PTPN6: variants seen among roughly 807,000 people sequenced by gnomAD.
PTPN6 encodes protein tyrosine phosphatase non-receptor type 6, also known as tyrosine-protein phosphatase non-receptor type 6.
A neutral mutation model predicts 81.5 loss-of-function variants in PTPN6; 18 were observed. That is an observed-to-expected ratio of 0.22 (90% confidence interval 0.15 to 0.33). The LOEUF (loss-of-function observed/expected upper bound fraction) is 0.33, where lower values mean the gene tolerates loss of function less well. PTPN6 is among the 10% of genes least tolerant of loss of function. The pLI is 1.00. For synonymous variants in PTPN6, 301 were observed against 310.9 expected (o/e 0.97, Z 0.33); for missense variants, 500 against 794.2 (o/e 0.63, Z 4.45).
At position 6,960,945 on chromosome 12, in the gene PTPN6, G is replaced by A; in HGVS notation, c.*25G>A. 6.4e-7 allele frequency: 1 copy of A among 1,556,040 alleles called. No homozygotes were observed. Among genetic ancestry groups the A allele is most frequent in the Non-Finnish European group, 8.7e-7 (1 of 1,149,808 alleles). ...AGCGGTGCTGTCCTCAGGTGGCCAT[G>A]GTACAGCTCTTCTGCCTGGGTGTCC... On this transcript the variant is annotated splice_region_variant and 3_prime_UTR_variant, in exon 15 of 16. Coordinates refer to ENST00000318974, the MANE Select transcript of PTPN6 (RefSeq NM_002831.6). The surrounding 1 kb of genome is among the most constrained non-coding windows in gnomAD (Gnocchi z 6.1).
Position 6,951,469 on chromosome 12 carries a change from C to G in PTPN6, c.-44C>G. On this transcript the variant is annotated 5_prime_UTR_variant, in exon 1 of 16. Transcript: ENST00000318974. This position sits in a 1 kb window ranked among gnomAD's most constrained non-coding sequence, Gnocchi z 7.2. ...TCTCTGCCTGCCCAGACTAGCTGCA[C>G]CTCCTCATTCCCTGCGCCCCCTTCC... 3 of 1,613,350 alleles carry G rather than the reference C, an allele frequency of 1.9e-6. No individual in the cohort carries two copies. Among genetic ancestry groups the G allele is most frequent in the Non-Finnish European group, 2.5e-6 (3 of 1,179,698 alleles).
Position 6,960,564 on chromosome 12 carries a change from C to T in PTPN6, c.1673+129C>T, listed in dbSNP as rs145848587. The T allele has an allele frequency of 1.2e-4, 164 of 1,424,024 alleles. 1 individual carries two copies. The African/African-American group carries it at 2.0e-3, about 17-fold the overall frequency. 88.2% of individuals were successfully genotyped at this position (1,424,024 alleles called of 1,614,324 possible). A position where few individuals can be genotyped will look rare whatever the true frequency, so the allele number is the denominator to read the frequency against. Reference sequence around the variant, plus strand: ...CTTCAAGTTCAGGCTTGGTTCTCACCCCTTCTGTTCATAAGCATTTCCTGA... The same window carrying T: ...CTTCAAGTTCAGGCTTGGTTCTCACTCCTTCTGTTCATAAGCATTTCCTGA... On this transcript the variant is annotated intron_variant, in intron 14 of 15. Transcript: ENST00000318974. This position sits in a 1 kb window ranked among gnomAD's most constrained non-coding sequence, Gnocchi z 6.1.
Position 6,955,777 on chromosome 12 carries a change from A to C in PTPN6, c.844+21A>C. On this transcript the variant is annotated intron_variant, in intron 7 of 15. Coordinates refer to ENST00000318974, the MANE Select transcript of PTPN6 (RefSeq NM_002831.6). This position sits in a 1 kb window ranked among gnomAD's most constrained non-coding sequence, Gnocchi z 7.2. ...CCCCTGTGAGCACCCAGGCTGCCCC[A>C]TTCACCCAGGATACCGCCCCTGCCC... 1.2e-6 allele frequency: 2 copies of C among 1,608,042 alleles called. No individual in the cohort carries two copies. Among genetic ancestry groups the C allele is most frequent in the Non-Finnish European group, 1.7e-6 (2 of 1,175,062 alleles).
upstream of PTPN6, chr12:6,946,863 T>C: frequency 8.9e-7 from 1 of 1,120,722 alleles, no homozygotes; most frequent in Non-Finnish European, 1.3e-6. Context: ...TGCGCCTGTT[T>C]CCGGTCCCTA....
Position 6,960,011 on chromosome 12 carries a change from G to T in PTPN6, c.1429+17G>T. On this transcript the variant is annotated intron_variant, in intron 12 of 15. Coordinates refer to ENST00000318974, the MANE Select transcript of PTPN6 (RefSeq NM_002831.6). The surrounding 1 kb of genome is among the most constrained non-coding windows in gnomAD (Gnocchi z 6.1). ...CCACCAAGGGTGAGGGGCACCTGGGGGTTTGGGGGTGGGGGGTGAGCAGCC... is the reference window on the plus strand; with the variant it reads ...CCACCAAGGGTGAGGGGCACCTGGGTGTTTGGGGGTGGGGGGTGAGCAGCC... 7 of 1,611,476 alleles carry T rather than the reference G, an allele frequency of 4.3e-6. No individual in the cohort carries two copies. Among genetic ancestry groups the T allele is most frequent in the African/African-American group, 1.3e-5 (1 of 74,918 alleles).
At position 6,957,185 on chromosome 12, in the gene PTPN6, G is replaced by A. The variant is rs1946046722; in HGVS notation, c.1075-469G>A. On this transcript the variant is annotated intron_variant, in intron 9 of 15. Coordinates refer to ENST00000318974, the MANE Select transcript of PTPN6 (RefSeq NM_002831.6). The surrounding 1 kb of genome is among the most constrained non-coding windows in gnomAD (Gnocchi z 6.5). Reference sequence around the variant, plus strand: ...CTCTCCACACTATCTCTGCCTGGCAGATGCCTCGTTTTTGAAGACACAGCC... The same window carrying A: ...CTCTCCACACTATCTCTGCCTGGCAAATGCCTCGTTTTTGAAGACACAGCC... Among the ~76,000 whole-genome samples, 1 of 152,220 alleles carries A rather than the reference G, an allele frequency of 6.6e-6. No homozygotes were observed. Among genetic ancestry groups the A allele is most frequent in the Non-Finnish European group, 1.5e-5 (1 of 68,044 alleles).
chr12:6,958,563 C>T (rs1946074809), intron 11 of PTPN6, among the ~76,000 whole-genome samples: 1 of 152,276 alleles, frequency 6.6e-6, no homozygotes, highest in Non-Finnish European at 1.5e-5. Context: ...CCCTCTCTCC[C>T]AGCTTCCCCA....
rs1026976100 is a variant in PTPN6 at position 6,954,285 on chromosome 12, G to A, written c.327-520G>A. 2.6e-5 allele frequency among the ~76,000 whole-genome samples: 4 copies of A among 152,074 alleles called. No homozygotes were observed. Among genetic ancestry groups the A allele is most frequent in the Non-Finnish European group, 1.5e-5 (1 of 68,038 alleles). On this transcript the variant is annotated intron_variant, in intron 3 of 15. Transcript: ENST00000318974. This position sits in a 1 kb window ranked among gnomAD's most constrained non-coding sequence, Gnocchi z 5.4. Reference sequence around the variant, plus strand: ...TCCATCTCCCACCACTCCCTGTGGTGTGGCCTCGGTCTGCGTTTCTCTTTG... The same window carrying A: ...TCCATCTCCCACCACTCCCTGTGGTATGGCCTCGGTCTGCGTTTCTCTTTG...
In PTPN6 at chr12:6,960,733, G is replaced by C; in HGVS notation, c.1674-73G>C. On this transcript the variant is annotated intron_variant, in intron 14 of 15. Transcript: ENST00000318974. The surrounding 1 kb of genome is among the most constrained non-coding windows in gnomAD (Gnocchi z 6.1). Reference sequence around the variant, plus strand: ...ACGGGGTGGCCAGAGGGGACTGCCAGTGCCGGGTCCCCCTGTGCTGTCTCC... The same window carrying C: ...ACGGGGTGGCCAGAGGGGACTGCCACTGCCGGGTCCCCCTGTGCTGTCTCC... 6.4e-7 allele frequency: 1 copy of C among 1,551,648 alleles called. No homozygotes were observed. The highest frequency in any genetic ancestry group is 1.2e-5 in the South Asian group (1 of 84,072).
At chr12:6,951,190 G>A (rs1379406588), upstream of PTPN6, 5 of 1,368,066 alleles carry the variant, frequency 3.7e-6, no homozygotes, top group Non-Finnish European at 4.8e-6. The surrounding 1 kb of genome is among the most constrained non-coding windows in gnomAD (Gnocchi z 7.2). Context: ...ATGCTCCTGA[G>A]CCTTTGATTG....
Position 6,960,665 on chromosome 12 carries a change from G to C in PTPN6, c.1674-141G>C, listed in dbSNP as rs1946122082. 6 of 1,550,834 alleles carry C rather than the reference G, an allele frequency of 3.9e-6. No individual in the cohort carries two copies. Among genetic ancestry groups the C allele is most frequent in the Non-Finnish European group, 5.2e-6 (6 of 1,146,378 alleles). On this transcript the variant is annotated intron_variant, in intron 14 of 15. Transcript: ENST00000318974. This position sits in a 1 kb window ranked among gnomAD's most constrained non-coding sequence, Gnocchi z 6.1. Reference sequence around the variant, plus strand: ...GAGATGTAGCCTCTGTCCTCTAGGAGCTTGGAGTCTAGTGCAGGGACCGTG... The same window carrying C: ...GAGATGTAGCCTCTGTCCTCTAGGACCTTGGAGTCTAGTGCAGGGACCGTG...
rs782437067 is a variant in PTPN6 at position 6,958,042 on chromosome 12, C to T, written c.1330C>T (p.Pro444Ser). The change falls in exon 11 of 16, where the codon CCT becomes TCT. Residue 444 changes from proline (P) to serine (S), a missense_variant. Pro to Ser is a moderately conservative substitution (Grantham distance 74, BLOSUM62 -1). Coordinates refer to ENST00000318974, the MANE Select transcript of PTPN6 (RefSeq NM_002831.6). ...GATCAACCAGCGGCAGGAAAGTCTG[C>T]CTCACGCAGGGCCCATCATCGTGCA... ...DQINQRQESLPHAGPIIVHCS... is the reference protein window; with the variant it reads ...DQINQRQESLSHAGPIIVHCS... The T allele has an allele frequency of 6.2e-7, 1 of 1,612,826 alleles. No individual in the cohort carries two copies. The highest frequency in any genetic ancestry group is 1.1e-5 in the South Asian group (1 of 91,086).
chr12:6,951,385 A>T lies in PTPN6; in HGVS notation c.-128A>T. 6.5e-7 allele frequency: 1 copy of T among 1,546,602 alleles called. No homozygotes were observed. Among genetic ancestry groups the T allele is most frequent in the Non-Finnish European group, 8.7e-7 (1 of 1,146,468 alleles). ...GAGTGGCAGCCCCAGAACTGGGACC[A>T]CCGGGGGTGGTGAGGCGGCCCGGCA... On this transcript the variant is annotated 5_prime_UTR_variant, in exon 1 of 16. Coordinates refer to ENST00000318974, the MANE Select transcript of PTPN6 (RefSeq NM_002831.6). The surrounding 1 kb of genome is among the most constrained non-coding windows in gnomAD (Gnocchi z 7.2).
In PTPN6 at chr12:6,960,738, G is replaced by A. The variant is rs781855949; in HGVS notation, c.1674-68G>A. 3.9e-5 allele frequency: 61 copies of A among 1,551,500 alleles called. 1 individual carries two copies. Among genetic ancestry groups the A allele is most frequent in the South Asian group, 8.3e-5 (7 of 84,068 alleles). ...GTGGCCAGAGGGGACTGCCAGTGCC[G>A]GGTCCCCCTGTGCTGTCTCCTGACC... On this transcript the variant is annotated intron_variant, in intron 14 of 15. Coordinates refer to ENST00000318974, the MANE Select transcript of PTPN6 (RefSeq NM_002831.6). This position sits in a 1 kb window ranked among gnomAD's most constrained non-coding sequence, Gnocchi z 6.1.
chr12:6,957,505 A>G lies in PTPN6; in HGVS notation c.1075-149A>G. On this transcript the variant is annotated intron_variant, in intron 9 of 15. Transcript: ENST00000318974. This position sits in a 1 kb window ranked among gnomAD's most constrained non-coding sequence, Gnocchi z 6.5. The stretch of plus-strand genomic sequence containing the variant: ...CTGTTGGTGGTTGATCTGAGACGAG[A>G]GCCCAGGTCTCCTGCCTCTCTGCCA... The G allele has an allele frequency of 9.5e-7, 1 of 1,053,492 alleles. No homozygotes were observed. The highest frequency in any genetic ancestry group is 1.4e-5 in the South Asian group (1 of 69,480). 65.3% of individuals were successfully genotyped at this position (1,053,492 alleles called of 1,614,324 possible). A position where few individuals can be genotyped will look rare whatever the true frequency, so the allele number is the denominator to read the frequency against.
rs1271012697 is a variant in PTPN6 at position 6,951,814 on chromosome 12, C to T, written c.131+83C>T. On this transcript the variant is annotated intron_variant, in intron 2 of 15. Coordinates refer to ENST00000318974, the MANE Select transcript of PTPN6 (RefSeq NM_002831.6). This position sits in a 1 kb window ranked among gnomAD's most constrained non-coding sequence, Gnocchi z 7.2. ...CCTGAACCACTCATTCCTGGTTCCC[C>T]GTGGCAGTGCTGACTCCCCGTCTGT... The T allele has an allele frequency of 1.6e-5, 25 of 1,597,312 alleles. No homozygotes were observed. The highest frequency in any genetic ancestry group is 2.0e-4 in the Middle Eastern group (1 of 4,914).
upstream of PTPN6, among the ~76,000 whole-genome samples, chr12:6,948,434 C>CA (rs1262721721): frequency 0.053 from 2,385 of 45,038 alleles, 61 homozygotes; most frequent in East Asian, 0.21. Flanking sequence ...GATTCTGTGT[C>CA]AAAAAAAAAA....
Position 6,952,559 on chromosome 12 carries a change from C to A in PTPN6, c.326+382C>A. On this transcript the variant is annotated intron_variant, in intron 3 of 15. Coordinates refer to ENST00000318974, the MANE Select transcript of PTPN6 (RefSeq NM_002831.6). The surrounding 1 kb of genome is among the most constrained non-coding windows in gnomAD (Gnocchi z 8.1). ...AATCGAGCCTGCCTTCCTCCGTCTG[C>A]CCCTCACCCCAGCACATGTTAGGAC... The A allele has an allele frequency of 2.8e-6, 1 of 351,338 alleles. No individual in the cohort carries two copies. The highest frequency in any genetic ancestry group is 5.5e-6 in the Non-Finnish European group (1 of 181,638). The allele number at this position is 351,338 out of a possible 1,614,324, so 21.8% of individuals were successfully genotyped here. A position where few individuals can be genotyped will look rare whatever the true frequency, so the allele number is the denominator to read the frequency against.
At position 6,956,222 on chromosome 12, in the gene PTPN6, G is replaced by T; in HGVS notation, c.924+1G>T. 2 of 1,614,138 alleles carry T rather than the reference G, an allele frequency of 1.2e-6. No homozygotes were observed. Among genetic ancestry groups the T allele is most frequent in the Admixed American group, 3.3e-5 (2 of 60,030 alleles). ...CTACATCAATGCCAACTACATCAAGGTCAGCAGTGTGGGCCACGTGGGAGG... is the reference window on the plus strand; with the variant it reads ...CTACATCAATGCCAACTACATCAAGTTCAGCAGTGTGGGCCACGTGGGAGG... On this transcript the variant is annotated splice_donor_variant, in intron 8 of 15. Transcript: ENST00000318974. LOFTEE classifies it high-confidence loss of function. This position sits in a 1 kb window ranked among gnomAD's most constrained non-coding sequence, Gnocchi z 4.1.
Sources: gnomAD v4.1 joint callset for allele counts (sites outside exome capture counted in the v4.1 genomes callset) on GRCh38, gnomAD v4.1.1 for gene constraint, Gnocchi (gnomAD v3.1) non-coding constraint, MANE v1.5 for transcripts, NCBI Gene and HGNC (gene_info 2026-07-23, HGNC 2026-07-21) for gene names.